SLC5A8: variants seen among roughly 807,000 people sequenced by gnomAD.
The protein encoded by SLC5A8 is solute carrier family 5 member 8, also known as sodium-coupled monocarboxylate transporter 1.
In SLC5A8, 55 loss-of-function variants were observed where a neutral mutation model predicts 71.9. That is an observed-to-expected ratio of 0.77 (90% CI 0.62 to 0.96). SLC5A8 has a LOEUF of 0.96. Ranked by LOEUF, SLC5A8 falls within the 40% of genes least tolerant of loss-of-function variation. The pLI is 0.00. For missense variants in SLC5A8, 701 were observed against 745.3 expected, an observed-to-expected ratio of 0.94 and a Z score of 0.69; for synonymous variants, 307 against 276.1, an observed-to-expected ratio of 1.11 and a Z score of -1.11.
intron 12 of SLC5A8, among the ~76,000 whole-genome samples, chr12:101,164,593 G>T (rs2051751946): frequency 6.6e-6 from 1 of 152,074 alleles, no homozygotes; most frequent in African/African-American, 2.4e-5. Context: ...AGTCCTTCAT[G>T]CTTTTGCACC....
At chr12:101,164,861 C>T (rs1170412955) in intron 12 of SLC5A8, among the ~76,000 whole-genome samples, 2 of 152,156 alleles carry the variant, frequency 1.3e-5, no homozygotes, top group Non-Finnish European at 2.9e-5. Flanking sequence ...AATGACTTTC[C>T]AGATCTTCCC....
At chr12:101,208,716 C>G (rs979938425) in intron 1 of SLC5A8, among the ~76,000 whole-genome samples, 1 of 152,192 alleles carries the variant, frequency 6.6e-6, no homozygotes, top group Non-Finnish European at 1.5e-5. Context: ...GCCTAATTTT[C>G]CTACTGATCC....
intron 2 of SLC5A8, among the ~76,000 whole-genome samples, chr12:101,203,854 A>T (rs1869559395): frequency 6.6e-6 from 1 of 152,224 alleles, no homozygotes; most frequent in Admixed American, 6.5e-5. Context: ...ACCACTTGGC[A>T]AATCCTTGCT....
At chr12:101,175,575 A>G (rs913283171) in intron 10 of SLC5A8, among the ~76,000 whole-genome samples, 4 of 152,062 alleles carry the variant, frequency 2.6e-5, no homozygotes, top group Non-Finnish European at 4.4e-5. Context: ...ACCAAGATAC[A>G]TCATAATTAA....
chr12:101,189,231 C>T (rs898072721), intron 6 of SLC5A8, among the ~76,000 whole-genome samples: 5 of 152,124 alleles, frequency 3.3e-5, no homozygotes, highest in Non-Finnish European at 7.4e-5. Context: ...GTACAATAGA[C>T]TACTCTATCT....
intron 6 of SLC5A8, among the ~76,000 whole-genome samples, chr12:101,189,994 A>G (rs547810576): frequency 6.6e-6 from 1 of 152,334 alleles, no homozygotes; most frequent in South Asian, 2.1e-4. Flanking sequence ...GGATCACTCA[A>G]ATAGCAAATA....
chr12:101,178,134 T>TA (rs1410374066), intron 10 of SLC5A8, among the ~76,000 whole-genome samples: 2 of 152,218 alleles, frequency 1.3e-5, no homozygotes, highest in South Asian at 4.1e-4. Context: ...GACATCAACA[T>TA]AAAAAATACG....
At chr12:101,185,877 C>T (rs1400723198) in intron 7 of SLC5A8, among the ~76,000 whole-genome samples, 2 of 152,104 alleles carry the variant, frequency 1.3e-5, no homozygotes, top group Non-Finnish European at 2.9e-5. Context: ...CACGACTGAG[C>T]GAGGATAAGG....
chr12:101,193,187 G>T (rs944468886), intron 5 of SLC5A8, among the ~76,000 whole-genome samples: 1 of 152,150 alleles, frequency 6.6e-6, no homozygotes, highest in African/African-American at 2.4e-5. Flanking sequence ...TGGCCAGGCT[G>T]GTCTCGAACT....
rs2051666000 is a variant in SLC5A8 at position 101,156,714 on chromosome 12, T to C, written c.*565A>G. ...CGGTCTTTCCCAGCCAGAATACTTA[T>C]TGATTACCACCTTCCTGATTCAGAA... is the stretch of plus-strand genomic sequence containing the variant. On this transcript the variant is annotated 3_prime_UTR_variant, in exon 15 of 15. Coordinates refer to ENST00000536262, the MANE Select transcript of SLC5A8 (RefSeq NM_145913.5). The C allele has an allele frequency of 6.6e-6, 1 of 152,298 alleles. No individual in the cohort carries two copies. Among genetic ancestry groups the C allele is most frequent in the East Asian group, 1.9e-4 (1 of 5,198 alleles). 9.4% of individuals were successfully genotyped at this position (152,298 alleles called of 1,614,324 possible).
intron 13 of SLC5A8, among the ~76,000 whole-genome samples, chr12:101,158,668 C>T (rs10860695): frequency 0.22 from 29,869 of 134,054 alleles, 4,076 homozygotes; most frequent in African/African-American, 0.36. Context: ...AGAGCTTAAA[C>T]GCAAGCCAAC....
chr12:101,163,891 A>C (rs2051745096), intron 12 of SLC5A8, among the ~76,000 whole-genome samples: 1 of 152,260 alleles, frequency 6.6e-6, no homozygotes, highest in East Asian at 1.9e-4. Context: ...CTTTTCAATA[A>C]ATGGTGTTTA....
At chr12:101,176,367 G>T (rs2051880305) in intron 10 of SLC5A8, among the ~76,000 whole-genome samples, 1 of 151,876 alleles carries the variant, frequency 6.6e-6, no homozygotes, top group East Asian at 1.9e-4. Flanking sequence ...TATAGTTGAA[G>T]AATTCACCAC....
Position 101,193,698 on chromosome 12 carries a change from C to T in SLC5A8, c.619G>A (p.Ala207Thr), listed in dbSNP as rs1869029266. Residue 207 changes from alanine to threonine, a missense_variant, in exon 5 of 15, where the codon GCT becomes ACT. Physicochemically the swap from Ala to Thr is moderately conservative, Grantham distance 58 (BLOSUM62 0). Coordinates refer to ENST00000536262, the MANE Select transcript of SLC5A8 (RefSeq NM_145913.5). ...VAGFASVIIQ[A>T]VVMQGGISTI... Reference sequence around the variant, plus strand: ...CTGATTCCACCTTGCATCACCACAGCCTGTATAATCACGGATGCAAATCCA... The same window carrying T: ...CTGATTCCACCTTGCATCACCACAGTCTGTATAATCACGGATGCAAATCCA... 3 of 1,614,148 alleles carry T rather than the reference C, an allele frequency of 1.9e-6. No homozygotes were observed. The highest frequency in any genetic ancestry group is 1.1e-5 in the South Asian group (1 of 91,084).
At chr12:101,179,406 A>C (rs1278288415) in intron 10 of SLC5A8, among the ~76,000 whole-genome samples, 1 of 152,232 alleles carries the variant, frequency 6.6e-6, no homozygotes, top group Admixed American at 6.5e-5. Flanking sequence ...GATGTCCTTC[A>C]TCAGCTGAGT....
chr12:101,157,141 CTTTGT>C lies in SLC5A8; in HGVS notation c.*133_*137del, dbSNP rs750208539. 90 of 976,816 alleles carry C rather than the reference CTTTGT, an allele frequency of 9.2e-5. No individual in the cohort carries two copies. The highest frequency in any genetic ancestry group is 1.2e-4 in the Non-Finnish European group (84 of 689,926). 60.5% of individuals were successfully genotyped at this position (976,816 alleles called of 1,614,324 possible). ...ATGTAGTAAATGAAGATAGTCCAGA[CTTTGT>C]TTTAACAAAAACTTATCCCCCAAAC... On this transcript the variant is annotated 3_prime_UTR_variant, in exon 15 of 15. Coordinates refer to ENST00000536262, the MANE Select transcript of SLC5A8 (RefSeq NM_145913.5).
chr12:101,207,668 A>T (rs1869729292), intron 1 of SLC5A8, among the ~76,000 whole-genome samples: 1 of 152,094 alleles, frequency 6.6e-6, no homozygotes, highest in Non-Finnish European at 1.5e-5. Flanking sequence ...CAAGTTTGGG[A>T]ATTGGTTAGC....
At chr12:101,171,308 T>G (rs1432504494) in intron 10 of SLC5A8, among the ~76,000 whole-genome samples, 1 of 152,178 alleles carries the variant, frequency 6.6e-6, no homozygotes, top group Non-Finnish European at 1.5e-5. Flanking sequence ...TTCATACTGC[T>G]AAGTTTGACA....
intron 10 of SLC5A8, among the ~76,000 whole-genome samples, chr12:101,178,833 A>G (rs1046776648): frequency 6.6e-6 from 1 of 151,768 alleles, no homozygotes; most frequent in African/African-American, 2.4e-5. Flanking sequence ...AAAAAAAAAA[A>G]TGCACTTTGA....
Sources: gnomAD v4.1 joint callset for allele counts (sites outside exome capture counted in the v4.1 genomes callset) on GRCh38, gnomAD v4.1.1 for gene constraint, MANE v1.5 for transcripts, NCBI Gene and HGNC (gene_info 2026-07-23, HGNC 2026-07-21) for gene names.